PFKFB3: variants seen among roughly 807,000 people sequenced by gnomAD.
The protein encoded by PFKFB3 is 6-phosphofructo-2-kinase/fructose-2,6-bisphosphatase 3.
A neutral mutation model predicts 68.0 loss-of-function variants in PFKFB3; 33 were observed. That is an observed-to-expected ratio of 0.49 (90% CI 0.37 to 0.65). The LOEUF (loss-of-function observed/expected upper bound fraction) is 0.65. Among genes scored for constraint, PFKFB3 ranks in the 30% least tolerant of loss-of-function variants. PFKFB3 has a pLI of 0.00. For missense variants in PFKFB3, 586 were observed against 712.2 expected (o/e 0.82, Z 2.02); for synonymous variants, 315 against 288.2 (o/e 1.09, Z -0.94).
chr10:6,263,952 C>T, the PFKFB3 span, among the ~76,000 whole-genome samples: 6 of 152,372 alleles, frequency 3.9e-5, no homozygotes, highest in East Asian at 1.2e-3. Context: ...TCCCAAAGTG[C>T]TAGGATTACA....
chr10:6,324,186 C>T, the PFKFB3 span, among the ~76,000 whole-genome samples: 3 of 152,264 alleles, frequency 2.0e-5, no homozygotes, highest in Non-Finnish European at 2.9e-5. Context: ...GATGACATGA[C>T]GCTGAGTGGA....
chr10:6,195,113 C>T (rs1843141931), intron 1 of PFKFB3, among the ~76,000 whole-genome samples: 1 of 152,170 alleles, frequency 6.6e-6, no homozygotes, highest in Non-Finnish European at 1.5e-5. Context: ...CTAAAGTGAT[C>T]TGCCTGCCTC....
chr10:6,268,084 C>T, the PFKFB3 span, among the ~76,000 whole-genome samples: 1 of 151,758 alleles, frequency 6.6e-6, no homozygotes, highest in Non-Finnish European at 1.5e-5. Context: ...CGCTGCTTTT[C>T]AAGGATTTTC....
chr10:6,173,290 G>A (rs1842365602), intron 1 of PFKFB3, among the ~76,000 whole-genome samples: 1 of 152,162 alleles, frequency 6.6e-6, no homozygotes, highest in Admixed American at 6.6e-5. Context: ...ACAAGAGGTC[G>A]AGGCGCAACC....
At chr10:6,307,340 C>G in the PFKFB3 span, among the ~76,000 whole-genome samples, 1 of 11,762 alleles carries the variant, frequency 8.5e-5, no homozygotes, top group Non-Finnish European at 4.7e-4. Context: ...TACACACACA[C>G]ACACACACAC....
intron 1 of PFKFB3, among the ~76,000 whole-genome samples, chr10:6,180,016 G>A (rs565552116): frequency 1.3e-4 from 20 of 152,014 alleles, no homozygotes; most frequent in East Asian, 3.9e-4. Flanking sequence ...TGCTGGACTC[G>A]CAGCATTTAA....
the PFKFB3 span, among the ~76,000 whole-genome samples, chr10:6,315,066 C>T: frequency 6.6e-6 from 1 of 152,356 alleles, no homozygotes; most frequent in Non-Finnish European, 1.5e-5. Flanking sequence ...AGCTGACTCT[C>T]TAAGTGGCAT....
intron 1 of PFKFB3, among the ~76,000 whole-genome samples, chr10:6,156,953 G>A (rs1049036502): frequency 1.3e-5 from 2 of 151,246 alleles, no homozygotes; most frequent in African/African-American, 4.8e-5. Context: ...TTAGCTGGGC[G>A]TGGTGGCAGG....
intron 13 of PFKFB3, chr10:6,224,706 T>TG (rs3838746): frequency 0.25 from 82,925 of 326,226 alleles, 11,161 homozygotes; most frequent in Middle Eastern, 0.31. Context: ...AGGCTGGTCT[T>TG]GAACTCCTGG....
At chr10:6,293,081 C>T in the PFKFB3 span, 36 of 393,608 alleles carry the variant, frequency 9.1e-5, no homozygotes, top group East Asian at 7.3e-4. Flanking sequence ...GCTACATTTC[C>T]GTCGTGTGAT....
chr10:6,219,414 C>T (rs1168293265), intron 6 of PFKFB3, 155 bp from the exon 7 acceptor site: 1 of 737,308 alleles, frequency 1.4e-6, no homozygotes, highest in African/African-American at 1.7e-5. Flanking sequence ...TGACTCAGCC[C>T]CCAGCATCTT....
At chr10:6,302,700 A>G in the PFKFB3 span, among the ~76,000 whole-genome samples, 1 of 150,382 alleles carries the variant, frequency 6.6e-6, no homozygotes. Flanking sequence ...GTTTTTCTAT[A>G]CCTATCTTCC....
At chr10:6,169,417 C>G (rs1481384039) in intron 1 of PFKFB3, among the ~76,000 whole-genome samples, 1 of 151,618 alleles carries the variant, frequency 6.6e-6, no homozygotes, top group Non-Finnish European at 1.5e-5. Flanking sequence ...CACGAATGCT[C>G]AGACCTGGGC....
chr10:6,223,020 A>G, intron 11 of PFKFB3, 36 bp downstream of exon 11: 2 of 1,600,060 alleles, frequency 1.2e-6, no homozygotes, highest in South Asian at 2.2e-5. Flanking sequence ...GGATGGAGGG[A>G]GGAGGGGACT....
At chr10:6,292,288 T>C in the PFKFB3 span, among the ~76,000 whole-genome samples, 5 of 124,170 alleles carry the variant, frequency 4.0e-5, no homozygotes, top group Non-Finnish European at 8.6e-5. Context: ...CTTTTTTTTT[T>C]TTTTTTTTTT....
downstream of PFKFB3, among the ~76,000 whole-genome samples, chr10:6,236,459 C>T (rs1393028625): frequency 1.3e-5 from 2 of 152,202 alleles, no homozygotes; most frequent in Non-Finnish European, 2.9e-5. Flanking sequence ...TGCTGCGCTC[C>T]AGAAATAGCC....
chr10:6,290,971 G>A, the PFKFB3 span, among the ~76,000 whole-genome samples: 1 of 151,448 alleles, frequency 6.6e-6, no homozygotes, highest in Non-Finnish European at 1.5e-5. Flanking sequence ...CTTTTTTTCT[G>A]TGTGGTATTC....
chr10:6,196,539 A>C (rs746031299), intron 1 of PFKFB3, among the ~76,000 whole-genome samples: 3 of 152,162 alleles, frequency 2.0e-5, no homozygotes, highest in Non-Finnish European at 4.4e-5. Flanking sequence ...AAGGTCCAAG[A>C]GTCCCAAAGC....
chr10:6,205,586 T>C (rs574306814), intron 1 of PFKFB3, among the ~76,000 whole-genome samples: 1 of 151,882 alleles, frequency 6.6e-6, no homozygotes, highest in South Asian at 2.1e-4. Flanking sequence ...AAAGACGGGG[T>C]TTCACCATGT....
Sources: gnomAD v4.1 joint callset for allele counts (sites outside exome capture counted in the v4.1 genomes callset) on GRCh38, gnomAD v4.1.1 for gene constraint, MANE v1.5 for transcripts, NCBI Gene and HGNC (gene_info 2026-07-23, HGNC 2026-07-21) for gene names.